The following COL4A3 variants were observed in gnomAD, a reference collection of about 807,000 sequenced individuals.
The protein encoded by COL4A3 is collagen type IV alpha 3 chain, also known as collagen alpha-3(IV) chain.
Under a neutral mutation model 217.4 loss-of-function variants are expected in COL4A3, and 135 were observed. The observed-to-expected ratio is 0.62, with a 90% CI of 0.54 to 0.72. The LOEUF (loss-of-function observed/expected upper bound fraction) is 0.72, where lower values mean the gene tolerates loss of function less well. Ranked by LOEUF, COL4A3 falls within the 30% of genes least tolerant of loss-of-function variation. COL4A3 has a pLI of 0.00. For synonymous variants in COL4A3, 690 were observed against 736.3 expected (o/e 0.94, Z 1.02); for missense variants, 1,868 against 2,119.9 (o/e 0.88, Z 2.33).
At chr2:227,309,410 T>C (rs1321624442) in intron 50 of COL4A3, 92 bp downstream of exon 50, 1 of 942,902 alleles carries the variant, frequency 1.1e-6, no homozygotes, top group Non-Finnish European at 1.7e-6. Context: ...GGGTCGATGC[T>C]GCCTGCTGTC....
chr2:227,234,667 A>C (rs535963152), intron 1 of COL4A3, among the ~76,000 whole-genome samples: 10 of 152,358 alleles, frequency 6.6e-5, no homozygotes, highest in African/African-American at 2.2e-4. Context: ...AGAAAAAAAT[A>C]GGCATTGAAT....
At chr2:227,201,906 C>T (rs140998652) in intron 1 of COL4A3, among the ~76,000 whole-genome samples, 6 of 152,226 alleles carry the variant, frequency 3.9e-5, no homozygotes, top group African/African-American at 1.4e-4. Context: ...TTTTCAAACA[C>T]CATGGAATGA....
At chr2:227,258,313 G>C (rs1480895575) in intron 18 of COL4A3, among the ~76,000 whole-genome samples, 6 of 152,202 alleles carry the variant, frequency 3.9e-5, no homozygotes, top group Non-Finnish European at 8.8e-5. Flanking sequence ...GTCATGAGGG[G>C]AAGGGGTGTC....
intron 1 of COL4A3, among the ~76,000 whole-genome samples, chr2:227,235,792 T>A (rs1318212827): frequency 8.8e-6 from 1 of 113,710 alleles, no homozygotes; most frequent in South Asian, 2.6e-4. Flanking sequence ...TTTTTTTTTT[T>A]AATGGAGTTT....
At chr2:227,167,865 AG>A (rs1157484889) in intron 1 of COL4A3, among the ~76,000 whole-genome samples, 2 of 152,148 alleles carry the variant, frequency 1.3e-5, no homozygotes, top group East Asian at 3.8e-4. Flanking sequence ...CATCCCAAAA[AG>A]TTTATGTATG....
intron 41 of COL4A3, chr2:227,296,332 G>C (rs566132388): frequency 5.7e-6 from 1 of 175,642 alleles, no homozygotes; most frequent in Admixed American, 6.5e-5. Flanking sequence ...ATGTTCCCAG[G>C]GTAACTCACA....
Position 227,194,349 on chromosome 2 carries a change from A to G in COL4A3, c.87+29536A>G, listed in dbSNP as rs1457808114. Among the ~76,000 whole-genome samples, 10 of 152,030 alleles carry G rather than the reference A, an allele frequency of 6.6e-5. 2 individuals carry two copies. The East Asian group carries it at 1.9e-3, about 29-fold the overall frequency. ...GGATCTAAGAAAGAGAGTGGTATTG[A>G]GTTGGCCACAATCAATGAGGGCTGA... On this transcript the variant is annotated intron_variant, in intron 1 of 51. Coordinates refer to ENST00000396578, the MANE Select transcript of COL4A3 (RefSeq NM_000091.5).
At position 227,261,101 on chromosome 2, in the gene COL4A3, A is replaced by G. The variant is rs752145071; in HGVS notation, c.1134A>G (p.Gly378=). 1.2e-6 allele frequency: 2 copies of G among 1,612,084 alleles called. No homozygotes were observed. The highest frequency in any genetic ancestry group is 4.5e-5 in the East Asian group (2 of 44,880). The change falls in exon 20 of 52, where the codon GGA becomes GGG. Residue 378 remains glycine (G), a synonymous_variant. Coordinates refer to ENST00000396578, the MANE Select transcript of COL4A3 (RefSeq NM_000091.5). ...TCCCAGGTCCCAGTGGTCCCCCCGG[A>G]GTTCCTGGAAGTCCTGGTATGTCCA... The part of the protein sequence containing the change: ...RGPQGPSGPP[G]VPGSPGSSRP...
intron 35 of COL4A3, 112 bp from the exon 36 acceptor site, chr2:227,289,887 C>A: frequency 9.6e-7 from 1 of 1,042,436 alleles, no homozygotes; most frequent in Non-Finnish European, 1.5e-6. Context: ...GTGCCCAAAC[C>A]AGCCGGTCTG....
chr2:227,310,007 A>G (rs1218796495), intron 50 of COL4A3, among the ~76,000 whole-genome samples: 2 of 152,212 alleles, frequency 1.3e-5, no homozygotes. Flanking sequence ...GGTAATTTCT[A>G]TCATTTACAG....
intron 1 of COL4A3, among the ~76,000 whole-genome samples, chr2:227,184,082 C>A (rs2065938924): frequency 6.6e-6 from 1 of 152,182 alleles, no homozygotes; most frequent in South Asian, 2.1e-4. Flanking sequence ...CACCTCAAAA[C>A]CCTGGCAAGA....
intron 1 of COL4A3, among the ~76,000 whole-genome samples, chr2:227,223,566 C>A (rs1264025960): frequency 6.6e-6 from 1 of 151,700 alleles, no homozygotes; most frequent in Non-Finnish European, 1.5e-5. Flanking sequence ...AGACGCCCCC[C>A]CAACTCTACT....
Position 227,290,785 on chromosome 2 carries a change from C to T in COL4A3, c.3109C>T (p.Arg1037Ter), listed in dbSNP as rs766900945. The change falls in exon 37 of 52, where the codon CGA becomes TGA. Residue 1037 changes from arginine (R) to a stop codon, truncating the protein, a stop_gained. Coordinates refer to ENST00000396578, the MANE Select transcript of COL4A3 (RefSeq NM_000091.5). LOFTEE classifies it high-confidence loss of function. Reference sequence around the variant, plus strand: ...AAGGGGAACTTTGGGATTCCCAGGTCGAGCAGGAAGACCAGGCCTCCCAGG... The same window carrying T: ...AAGGGGAACTTTGGGATTCCCAGGTTGAGCAGGAAGACCAGGCCTCCCAGG... The part of the protein sequence containing the change: ...GKRGTLGFPG[R>*]AGRPGLPGIH... 7 of 1,613,320 alleles carry T rather than the reference C, an allele frequency of 4.3e-6. No individual in the cohort carries two copies. The highest frequency in any genetic ancestry group is 1.1e-5 in the South Asian group (1 of 91,018).
At chr2:227,246,630 G>C in intron 6 of COL4A3, 55 bp from the exon 7 acceptor site, 2 of 1,420,710 alleles carry the variant, frequency 1.4e-6, no homozygotes, top group Non-Finnish European at 2.0e-6. Context: ...AAAAATATCT[G>C]AATAGGCTCT....
At chr2:227,306,801 A>G (rs2073520729) in intron 47 of COL4A3, among the ~76,000 whole-genome samples, 1 of 152,180 alleles carries the variant, frequency 6.6e-6, no homozygotes, top group South Asian at 2.1e-4. Flanking sequence ...ATGTAGGCCC[A>G]AAGTCTAACC....
At position 227,282,275 on chromosome 2, in the gene COL4A3, A is replaced by AATATATACATATATATATATATAT. The variant is rs1241607935; in HGVS notation, c.2489-83_2489-82insCATATATATATATATATATATATA. 3.0e-6 allele frequency: 1 copy of AATATATACATATATATATATATAT among 334,846 alleles called. No homozygotes were observed. Among genetic ancestry groups the AATATATACATATATATATATATAT allele is most frequent in the African/African-American group, 2.5e-5 (1 of 39,828 alleles). The allele number at this position is 334,846 out of a possible 1,614,324, so 20.7% of individuals were successfully genotyped here. A position where few individuals can be genotyped will look rare whatever the true frequency, so the allele number is the denominator to read the frequency against. ...AGACAGAGGGAGATTCCATCTTAAA[A>AATATATACATATATATATATATAT]ATATATATATATATATATATATATA... On this transcript the variant is annotated intron_variant, in intron 31 of 51. Transcript: ENST00000396578. The surrounding 1 kb of genome is among the most constrained non-coding windows in gnomAD (Gnocchi z 4.4).
At chr2:227,261,777 A>AT (rs2125964626) in intron 20 of COL4A3, among the ~76,000 whole-genome samples, 1 of 152,346 alleles carries the variant, frequency 6.6e-6, no homozygotes, top group East Asian at 1.9e-4. Context: ...CTTGAAAATG[A>AT]CAGTTTTCAT....
chr2:227,169,137 G>A (rs1056220032), intron 1 of COL4A3: 4 of 149,810 alleles, frequency 2.7e-5, no homozygotes, highest in African/African-American at 7.4e-5. Flanking sequence ...GAGAATATGC[G>A]GTGTTTGGTT....
chr2:227,180,096 C>A (rs545266510), intron 1 of COL4A3, among the ~76,000 whole-genome samples: 19 of 152,290 alleles, frequency 1.2e-4, no homozygotes, highest in African/African-American at 4.3e-4. Flanking sequence ...TTACTGTCTT[C>A]TACTTTATGC....
Sources: allele counts gnomAD v4.1 joint callset (sites outside exome capture counted in the v4.1 genomes callset), GRCh38; gene constraint gnomAD v4.1.1; non-coding constraint Gnocchi (gnomAD v3.1); transcripts MANE v1.5; gene names NCBI Gene and HGNC (gene_info 2026-07-23, HGNC 2026-07-21).